Variants in NCR1 observed in about 807,000 individuals in gnomAD.
NCR1 encodes NK cell-activating receptor.
In NCR1, 30 loss-of-function variants were observed where a neutral mutation model predicts 32.5. The observed-to-expected ratio is 0.92, with a 90% CI of 0.69 to 1.25. The LOEUF (loss-of-function observed/expected upper bound fraction) is 1.25, where lower values mean the gene tolerates loss of function less well. NCR1 is among the 50% of genes most tolerant of loss of function. The pLI is 0.00. For synonymous variants in NCR1, 169 were observed against 143.4 expected (o/e 1.18, Z -1.28); for missense variants, 369 against 380.7 (o/e 0.97, Z 0.26).
At chr19:54,911,595 T>C (rs746127182) in intron 5 of NCR1, among the ~76,000 whole-genome samples, 2 of 151,996 alleles carry the variant, frequency 1.3e-5, no homozygotes, top group Non-Finnish European at 2.9e-5. Context: ...CTACTAAAAA[T>C]ACAAACATGA....
chr19:54,935,293 G>A, the NCR1 span, among the ~76,000 whole-genome samples: 2 of 151,992 alleles, frequency 1.3e-5, no homozygotes, highest in East Asian at 1.9e-4. Context: ...GCAGTGGCAT[G>A]ATCACAGGTC....
chr19:54,937,480 T>A, the NCR1 span, among the ~76,000 whole-genome samples: 1 of 151,562 alleles, frequency 6.6e-6, no homozygotes. Flanking sequence ...TCACCTTAGG[T>A]CAGGAGTTCG....
At chr19:54,921,347 G>A in the NCR1 span, among the ~76,000 whole-genome samples, 44 of 152,244 alleles carry the variant, frequency 2.9e-4, 1 homozygote, top group African/African-American at 9.9e-4. Context: ...CAGTGATCTC[G>A]AGCATTTGAG....
chr19:54,903,340 AT>A (rs1255110261), upstream of NCR1, among the ~76,000 whole-genome samples: 1 of 123,528 alleles, frequency 8.1e-6, no homozygotes, highest in Non-Finnish European at 1.7e-5. Context: ...ATGTATGTAT[AT>A]ACATATATGC....
At chr19:54,936,229 G>A in the NCR1 span, 4 of 1,600,440 alleles carry the variant, frequency 2.5e-6, no homozygotes, top group East Asian at 2.2e-5. Flanking sequence ...TGGACTCCAG[G>A]TGCTGGGGAG....
At chr19:54,906,127 T>C (rs1602029421), upstream of NCR1, 2 of 1,610,816 alleles carry the variant, frequency 1.2e-6, no homozygotes. Context: ...TGTGTATCTA[T>C]CTCCCTGGCC....
chr19:54,923,573 T>C, the NCR1 span: 5 of 756,698 alleles, frequency 6.6e-6, no homozygotes, highest in Non-Finnish European at 1.2e-5. Flanking sequence ...GTGAAGGGGG[T>C]GCGTGACTCG....
chr19:54,934,817 C>T, the NCR1 span, among the ~76,000 whole-genome samples: 141 of 152,112 alleles, frequency 9.3e-4, no homozygotes, highest in African/African-American at 3.3e-3. The surrounding 1 kb of genome is among the most constrained non-coding windows in gnomAD (Gnocchi z 6.7). Context: ...TCAAGCTATT[C>T]TCCTGCCTCA....
the NCR1 span, among the ~76,000 whole-genome samples, chr19:54,922,432 G>A: frequency 2.0e-5 from 3 of 152,198 alleles, no homozygotes; most frequent in East Asian, 5.8e-4. Flanking sequence ...AGGCGAGAGA[G>A]ACAGAGACAT....
the NCR1 span, among the ~76,000 whole-genome samples, chr19:54,900,419 C>G: frequency 6.6e-6 from 1 of 152,008 alleles, no homozygotes; most frequent in Non-Finnish European, 1.5e-5. Context: ...GCTTTTGAGC[C>G]GGGATGAGCC....
chr19:54,909,934 CAAAAAAAAAAA>C (rs11345154), intron 4 of NCR1, 73 bp from the exon 5 acceptor site: 9 of 611,452 alleles, frequency 1.5e-5, no homozygotes, highest in East Asian at 4.3e-5. Context: ...GACTCCATCT[CAAAAAAAAAAA>C]AAAAAAAAAA....
At chr19:54,906,047 A>T (rs2067587337), upstream of NCR1, 3 of 1,000,404 alleles carry the variant, frequency 3.0e-6, no homozygotes, top group Non-Finnish European at 4.6e-6. Context: ...GGGAGTTGTG[A>T]ACGTTCTGAT....
chr19:54,927,573 AAAC>A, the NCR1 span: 4 of 314,884 alleles, frequency 1.3e-5, no homozygotes, highest in Non-Finnish European at 1.2e-5. Flanking sequence ...CAAAAACAAA[AAAC>A]AAAACAAAAC....
the NCR1 span, among the ~76,000 whole-genome samples, chr19:54,934,061 A>G: frequency 6.6e-6 from 1 of 152,152 alleles, no homozygotes. The surrounding 1 kb of genome is among the most constrained non-coding windows in gnomAD (Gnocchi z 6.7). Flanking sequence ...CTGCTGACTC[A>G]GCCTCCTGAG....
the NCR1 span, among the ~76,000 whole-genome samples, chr19:54,899,434 G>A: frequency 2.0e-5 from 3 of 152,034 alleles, no homozygotes; most frequent in African/African-American, 7.2e-5. Flanking sequence ...GTAGAGACAT[G>A]GAGGGAAGGG....
chr19:54,899,783 T>G, the NCR1 span, among the ~76,000 whole-genome samples: 2 of 152,022 alleles, frequency 1.3e-5, no homozygotes, highest in African/African-American at 2.4e-5. Context: ...CCCCATGTGG[T>G]CAGACACCTC....
chr19:54,935,812 C>T, the NCR1 span, among the ~76,000 whole-genome samples: 1,373 of 152,110 alleles, frequency 9.0e-3, 18 homozygotes, highest in African/African-American at 0.031. Flanking sequence ...TCCCAAAGTG[C>T]GAGGATCATG....
the NCR1 span, among the ~76,000 whole-genome samples, chr19:54,928,591 G>A: frequency 6.6e-6 from 1 of 152,124 alleles, no homozygotes; most frequent in Admixed American, 6.6e-5. Context: ...GAGAGGCATT[G>A]ATTGGCTAGA....
the NCR1 span, chr19:54,923,507 G>C: frequency 5.1e-6 from 3 of 586,720 alleles, no homozygotes; most frequent in Admixed American, 8.6e-5. Context: ...AATAAACGCA[G>C]CTGCAACGAG....
Sources: allele counts gnomAD v4.1 joint callset (sites outside exome capture counted in the v4.1 genomes callset), GRCh38; gene constraint gnomAD v4.1.1; non-coding constraint Gnocchi (gnomAD v3.1); transcripts MANE v1.5; gene names NCBI Gene and HGNC (gene_info 2026-07-23, HGNC 2026-07-21).